The following PLCH1 variants were observed in gnomAD, a reference collection of about 807,000 sequenced individuals.
PLCH1 encodes the protein 1-phosphatidylinositol 4,5-bisphosphate phosphodiesterase eta-1.
In PLCH1, 60 loss-of-function variants were observed where a neutral mutation model predicts 126.7. The observed-to-expected ratio is 0.47, with a 90% CI of 0.38 to 0.59. The LOEUF is 0.59. Among genes scored for constraint, PLCH1 ranks in the 20% least tolerant of loss-of-function variants. The pLI is 0.00. For synonymous variants in PLCH1, 719 were observed against 734.9 expected (o/e 0.98, Z 0.35); for missense variants, 1,723 against 2,040.0 (o/e 0.84, Z 2.99).
In PLCH1 at chr3:155,486,230, C is replaced by A. The variant is rs1001071173; in HGVS notation, c.2620-520G>T. The A allele has an allele frequency of 3.4e-5, 49 of 1,449,926 alleles. No individual in the cohort carries two copies. In the East Asian group the frequency reaches 1.2e-3, roughly 35 times the overall value. 89.8% of individuals were successfully genotyped at this position (1,449,926 alleles called of 1,614,324 possible). On this transcript the variant is annotated intron_variant, in intron 21 of 22. Coordinates refer to ENST00000460012, the MANE Select transcript of PLCH1 (RefSeq NM_014996.4). ...CACTGTAAAGGAAAAAAACAAAACACAACAAAACACAATTGGGGCTCATTG... is the reference window on the plus strand; with the variant it reads ...CACTGTAAAGGAAAAAAACAAAACAAAACAAAACACAATTGGGGCTCATTG...
At position 155,492,686 on chromosome 3, in the gene PLCH1, T is replaced by A. The variant is rs1716402554; in HGVS notation, c.2307+43A>T. 2.0e-6 allele frequency: 3 copies of A among 1,487,358 alleles called. No homozygotes were observed. In the South Asian group the frequency reaches 4.2e-5, roughly 21 times the overall value. The allele number at this position is 1,487,358 out of a possible 1,614,324, so 92.1% of individuals were successfully genotyped here. A position where few individuals can be genotyped will look rare whatever the true frequency, so the allele number is the denominator to read the frequency against. ...ATAAAATGTAAATGCACTAAGATAATCACATAATTAACCACTTAGACACGT... is the reference window on the plus strand; with the variant it reads ...ATAAAATGTAAATGCACTAAGATAAACACATAATTAACCACTTAGACACGT... On this transcript the variant is annotated intron_variant, in intron 18 of 22. Coordinates refer to ENST00000460012, the MANE Select transcript of PLCH1 (RefSeq NM_014996.4).
chr3:155,541,424 T>C (rs1025757129), intron 10 of PLCH1, among the ~76,000 whole-genome samples: 2 of 152,192 alleles, frequency 1.3e-5, no homozygotes, highest in African/African-American at 4.8e-5. Flanking sequence ...ACATGTGAGT[T>C]GCCTTTCACT....
intron 2 of PLCH1, among the ~76,000 whole-genome samples, chr3:155,624,796 T>C (rs1377715298): frequency 6.6e-6 from 1 of 151,958 alleles, no homozygotes; most frequent in Non-Finnish European, 1.5e-5. Flanking sequence ...AGAATCAATA[T>C]CGTGAAAATG....
At chr3:155,519,781 TA>T (rs66772251) in intron 11 of PLCH1, among the ~76,000 whole-genome samples, 26,433 of 124,518 alleles carry the variant, frequency 0.21, 3,250 homozygotes, top group East Asian at 0.39. Context: ...ACCTTTGCTT[TA>T]AAAAAAAAAA....
intron 6 of PLCH1, among the ~76,000 whole-genome samples, chr3:155,574,786 GCAAGATATAATTA>G (rs1225481838): frequency 1.3e-5 from 2 of 152,150 alleles, no homozygotes; most frequent in Admixed American, 1.3e-4. Context: ...CAAAAATATT[GCAAGATATAATTA>G]CTCTGAGTGA....
chr3:155,485,454 C>A lies in PLCH1; in HGVS notation c.2876G>T (p.Arg959Leu). The change falls in exon 22 of 23, where the codon CGC (arginine) becomes CTC (leucine). Residue 959 changes from arginine to leucine, a missense_variant. This residue lies in a region of PLCH1 where 947 missense variants were observed against 977.1 expected (regional missense o/e 0.97). Transcript: ENST00000460012. ...TCTGTCAACAGGCATAGAGACAGGG[C>A]GTGCTTGCAAACTGCGTGTGGTCCT... is the stretch of plus-strand genomic sequence containing the variant. ...LRRTTRSLQA[R>L]PVSMPVDRNL... is the part of the protein sequence containing the mutation. 1 of 1,614,074 alleles carries A rather than the reference C, an allele frequency of 6.2e-7. No homozygotes were observed. Among genetic ancestry groups the A allele is most frequent in the Non-Finnish European group, 8.5e-7 (1 of 1,179,964 alleles).
intron 2 of PLCH1, among the ~76,000 whole-genome samples, chr3:155,646,124 G>A (rs537356149): frequency 2.6e-5 from 4 of 152,110 alleles, no homozygotes; most frequent in African/African-American, 4.8e-5. Context: ...AGCTGTTTAC[G>A]ATCTCTAGAA....
In PLCH1 at chr3:155,500,790, G is replaced by T; in HGVS notation, c.1709C>A (p.Thr570Asn). Residue 570 changes from threonine to asparagine, a missense_variant, in exon 14 of 23, where the codon ACT (threonine) becomes AAT (asparagine). Thr to Asn is a moderately conservative substitution (Grantham distance 65, BLOSUM62 0). Transcript: ENST00000460012. ...LMTNFGKHKK[T>N]TKSRSKSYST... ...GTAAGATTTAGACCGTGATTTTGTAGTTTTCTGCCAGAAAAATCAAAACAA... is the reference window on the plus strand; with the variant it reads ...GTAAGATTTAGACCGTGATTTTGTATTTTTCTGCCAGAAAAATCAAAACAA... 6.2e-7 allele frequency: 1 copy of T among 1,606,670 alleles called. No homozygotes were observed. Among genetic ancestry groups the T allele is most frequent in the East Asian group, 2.2e-5 (1 of 44,776 alleles).
At chr3:155,460,904 C>T (rs904748700) in intron 21 of PLCH1, among the ~76,000 whole-genome samples, 1 of 152,148 alleles carries the variant, frequency 6.6e-6, no homozygotes, top group African/African-American at 2.4e-5. Context: ...ATTGCAGCTT[C>T]TGTGCTAGAT....
chr3:155,475,004 C>G (rs1287730790), downstream of PLCH1, among the ~76,000 whole-genome samples: 9 of 142,252 alleles, frequency 6.3e-5, no homozygotes, highest in East Asian at 1.4e-3. Context: ...GTGCAGTGCA[C>G]CAGCATGGCA....
chr3:155,458,445 GGAAGGAAGGAAAGAAAGAAA>G (rs1351661850), intron 21 of PLCH1, among the ~76,000 whole-genome samples: 92 of 39,254 alleles, frequency 2.3e-3, no homozygotes, highest in Middle Eastern at 0.012. Flanking sequence ...AAGGAAGGAA[GGAAGGAAGGAAAGAAAGAAA>G]GAAAGAAAGA....
chr3:155,475,519 T>A (rs970587599), downstream of PLCH1, among the ~76,000 whole-genome samples: 1 of 151,670 alleles, frequency 6.6e-6, no homozygotes, highest in Non-Finnish European at 1.5e-5. Context: ...AAAGGATCAA[T>A]AAAACAAAAA....
At chr3:155,563,320 A>ATG (rs1185047586) in intron 8 of PLCH1, among the ~76,000 whole-genome samples, 1 of 152,206 alleles carries the variant, frequency 6.6e-6, no homozygotes, top group African/African-American at 2.4e-5. Context: ...ACTGATAAAG[A>ATG]TGTCCACATA....
intron 9 of PLCH1, among the ~76,000 whole-genome samples, chr3:155,552,999 G>T (rs1726336615): frequency 6.6e-6 from 1 of 152,200 alleles, no homozygotes; most frequent in Non-Finnish European, 1.5e-5. Flanking sequence ...AGAATGAGAT[G>T]CTGAGTTCCC....
At chr3:155,734,408 C>T (rs576014706) in intron 1 of PLCH1, among the ~76,000 whole-genome samples, 1 of 152,222 alleles carries the variant, frequency 6.6e-6, no homozygotes, top group African/African-American at 2.4e-5. Context: ...TGCAGTGAGC[C>T]ATGATCGCAC....
intron 2 of PLCH1, among the ~76,000 whole-genome samples, chr3:155,600,151 A>G (rs960931576): frequency 6.6e-6 from 1 of 152,208 alleles, no homozygotes; most frequent in Non-Finnish European, 1.5e-5. Context: ...AAGATAGTTG[A>G]CAATGCCTTG....
intron 2 of PLCH1, among the ~76,000 whole-genome samples, chr3:155,606,575 A>G (rs1019585594): frequency 6.6e-6 from 1 of 152,222 alleles, no homozygotes; most frequent in Non-Finnish European, 1.5e-5. Flanking sequence ...ATTGCTCTGT[A>G]GTAGTAACCA....
In PLCH1 at chr3:155,562,110, T is replaced by G. The variant is rs201239120; in HGVS notation, c.1069+2805A>C. On this transcript the variant is annotated intron_variant, in intron 8 of 22. Coordinates refer to ENST00000460012, the MANE Select transcript of PLCH1 (RefSeq NM_014996.4). ...TGTTTTTATACTTAAGTGTCTGGTT[T>G]ATAGTTTTAATCTCCAATCTGCTCC... Among the ~76,000 whole-genome samples the G allele has an allele frequency of 9.2e-5, 14 of 152,296 alleles. No individual in the cohort carries two copies. In the East Asian group the frequency reaches 2.5e-3, roughly 27 times the overall value.
intron 11 of PLCH1, among the ~76,000 whole-genome samples, chr3:155,515,421 C>T (rs1421376452): frequency 6.6e-6 from 1 of 152,232 alleles, no homozygotes. Flanking sequence ...GAAAAGAATG[C>T]TATGGAAATT....
Sources: gnomAD v4.1 joint callset for allele counts (sites outside exome capture counted in the v4.1 genomes callset) on GRCh38, gnomAD v4.1.1 for gene constraint, gnomAD v4.1.1 regional missense constraint, MANE v1.5 for transcripts, NCBI Gene and HGNC (gene_info 2026-07-23, HGNC 2026-07-21) for gene names.